Variants in GRAMD1B observed in about 807,000 individuals in gnomAD.
The protein encoded by GRAMD1B is GRAM domain containing 1B.
Under a neutral mutation model 99.7 loss-of-function variants are expected in GRAMD1B, and 37 were observed. The observed-to-expected ratio is 0.37, with a 90% CI of 0.29 to 0.49. The LOEUF is 0.49. Among genes scored for constraint, GRAMD1B ranks in the 20% least tolerant of loss-of-function variants. The pLI is 0.98. For missense variants in GRAMD1B, 888 were observed against 1,009.2 expected (o/e 0.88, Z 1.63); for synonymous variants, 427 against 387.6 (o/e 1.10, Z -1.19).
At position 123,610,198 on chromosome 11, in the gene GRAMD1B, C is replaced by G. The variant is rs1483158324; in HGVS notation, c.1779C>G (p.Thr593=). The G allele has an allele frequency of 3.1e-6, 5 of 1,613,812 alleles. No individual in the cohort carries two copies. The highest frequency in any genetic ancestry group is 1.6e-4 in the Middle Eastern group (1 of 6,062). Reference sequence around the variant, plus strand: ...CAATGGACCTTTCCTGCCCGCAGACCATGTACAAGGCGAGCCAGGAGAGTG... The same window carrying G: ...CAATGGACCTTTCCTGCCCGCAGACGATGTACAAGGCGAGCCAGGAGAGTG... ...PKTATVRETQ[T]MYKASQESEC... Residue 593 remains threonine (T), a splice_region_variant and synonymous_variant, in exon 14 of 20, where the codon ACC becomes ACG. Transcript: ENST00000635736. The surrounding 1 kb of genome is among the most constrained non-coding windows in gnomAD (Gnocchi z 4.1).
At chr11:123,531,647 TG>T (rs1943382009) in intron 2 of GRAMD1B, among the ~76,000 whole-genome samples, 1 of 152,016 alleles carries the variant, frequency 6.6e-6, no homozygotes, top group African/African-American at 2.4e-5. Context: ...CATCTCTTGC[TG>T]AATTCTTCGG....
intron 1 of GRAMD1B, among the ~76,000 whole-genome samples, chr11:123,364,721 T>C (rs1338977813): frequency 1.3e-5 from 2 of 152,106 alleles, no homozygotes; most frequent in African/African-American, 4.8e-5. Context: ...TGCTCCAGAG[T>C]TGAAATGTTT....
intron 2 of GRAMD1B, among the ~76,000 whole-genome samples, chr11:123,521,984 T>A (rs1312816038): frequency 6.6e-6 from 1 of 152,256 alleles, no homozygotes; most frequent in East Asian, 1.9e-4. Flanking sequence ...CTATTTTATC[T>A]GTGTGTATGC....
At chr11:123,483,532 G>A (rs918183798) in intron 2 of GRAMD1B, among the ~76,000 whole-genome samples, 4 of 151,612 alleles carry the variant, frequency 2.6e-5, no homozygotes, top group African/African-American at 7.3e-5. Context: ...GACTATTGGC[G>A]CCTGCCACCA....
At chr11:123,541,538 A>ATTTTTT (rs796079422) in intron 2 of GRAMD1B, among the ~76,000 whole-genome samples, 1 of 143,172 alleles carries the variant, frequency 7.0e-6, no homozygotes, top group African/African-American at 2.7e-5. Flanking sequence ...CTGTGAATTG[A>ATTTTTT]TTTTTTTTTT....
chr11:123,374,348 C>G lies in GRAMD1B; in HGVS notation c.-176+15549C>G, dbSNP rs79345607. On this transcript the variant is annotated intron_variant, in intron 1 of 20. Coordinates refer to the GRAMD1B transcript ENST00000638157. ...GCAAAATAGACATTACTACTTATAG[C>G]CCCCTTCCTCTCTCATAATAAACCC... Among the ~76,000 whole-genome samples the G allele has an allele frequency of 5.3e-3, 810 of 152,264 alleles. 23 individuals carry two copies. The East Asian group carries it at 0.085, about 16-fold the overall frequency.
At chr11:123,481,872 G>A (rs1340636801) in intron 2 of GRAMD1B, among the ~76,000 whole-genome samples, 1 of 152,166 alleles carries the variant, frequency 6.6e-6, no homozygotes, top group Admixed American at 6.5e-5. Context: ...CAGGGGCTCT[G>A]CTTTTGGTCT....
At chr11:123,497,220 G>T (rs1341660377) in intron 2 of GRAMD1B, among the ~76,000 whole-genome samples, 1 of 152,208 alleles carries the variant, frequency 6.6e-6, no homozygotes, top group African/African-American at 2.4e-5. Context: ...GAATTCTCTT[G>T]ATTGCCATGC....
intron 1 of GRAMD1B, among the ~76,000 whole-genome samples, chr11:123,392,185 A>G (rs541232912): frequency 6.6e-6 from 1 of 152,212 alleles, no homozygotes; most frequent in Admixed American, 6.5e-5. Context: ...CTGGGTCAGA[A>G]TGAGTAAGTT....
intron 14 of GRAMD1B, among the ~76,000 whole-genome samples, chr11:123,611,653 A>ATC (rs1256147228): frequency 2.0e-5 from 3 of 151,932 alleles, no homozygotes; most frequent in African/African-American, 2.4e-5. Flanking sequence ...TTTCAATTGC[A>ATC]TCTTTTCTCT....
At chr11:123,620,441 T>A (rs1418990729) in intron 19 of GRAMD1B, among the ~76,000 whole-genome samples, 2 of 42,424 alleles carry the variant, frequency 4.7e-5, no homozygotes, top group African/African-American at 1.2e-4. Context: ...GCCACTGCAC[T>A]CCAGCCTGGC....
At chr11:123,390,091 TA>T (rs58900383) in intron 1 of GRAMD1B, among the ~76,000 whole-genome samples, 6 of 136,254 alleles carry the variant, frequency 4.4e-5, no homozygotes, top group African/African-American at 5.2e-5. Flanking sequence ...TCTTCTAAAA[TA>T]AAAAAAAATT....
At position 123,587,633 on chromosome 11, in the gene GRAMD1B, A is replaced by C. The variant is rs571773233; in HGVS notation, c.684+3301A>C. On this transcript the variant is annotated intron_variant, in intron 4 of 19. Coordinates refer to ENST00000635736, the MANE Select transcript of GRAMD1B (RefSeq NM_001387025.1). The surrounding 1 kb of genome is among the most constrained non-coding windows in gnomAD (Gnocchi z 4.2). Reference sequence around the variant, plus strand: ...GGGCAGTCTTCTCCATGGCAGCCCCAGAAGGAGCATTTCTGAGATCAGAGC... The same window carrying C: ...GGGCAGTCTTCTCCATGGCAGCCCCCGAAGGAGCATTTCTGAGATCAGAGC... Among the ~76,000 whole-genome samples, 37 of 152,286 alleles carry C rather than the reference A, an allele frequency of 2.4e-4. 1 individual carries two copies. Among genetic ancestry groups the C allele is most frequent in the Admixed American group, 2.0e-3 (31 of 15,300 alleles).
intron 18 of GRAMD1B, 143 bp downstream of exon 18, chr11:123,618,943 A>T (rs182306477): frequency 1.4e-6 from 1 of 704,590 alleles, no homozygotes; most frequent in South Asian, 1.7e-5. Context: ...ATCTCTCCCT[A>T]TAGTTTCAGC....
chr11:123,578,368 CCCA>C, intron 3 of GRAMD1B: 4 of 1,481,504 alleles, frequency 2.7e-6, no homozygotes, highest in Non-Finnish European at 3.6e-6. Flanking sequence ...CCTCTTCTTC[CCCA>C]CCATTTCCCA....
At chr11:123,512,773 C>T (rs1591767685) in intron 2 of GRAMD1B, among the ~76,000 whole-genome samples, 1 of 123,500 alleles carries the variant, frequency 8.1e-6, no homozygotes, top group African/African-American at 3.2e-5. Context: ...CAGGTATTTT[C>T]AGTCTGTGCC....
At chr11:123,434,254 A>G (rs1949056514) in intron 1 of GRAMD1B, among the ~76,000 whole-genome samples, 1 of 135,838 alleles carries the variant, frequency 7.4e-6, no homozygotes, top group South Asian at 2.7e-4. Flanking sequence ...AAAAAAAAAA[A>G]CCACCACCAA....
intron 1 of GRAMD1B, among the ~76,000 whole-genome samples, chr11:123,473,464 G>C (rs1951112837): frequency 1.3e-5 from 2 of 152,120 alleles, no homozygotes; most frequent in Non-Finnish European, 2.9e-5. Flanking sequence ...TAGAGATGAA[G>C]TCTCACTGTA....
intron 1 of GRAMD1B, among the ~76,000 whole-genome samples, chr11:123,456,983 A>G (rs1215331819): frequency 1.3e-5 from 2 of 150,888 alleles, no homozygotes; most frequent in African/African-American, 2.4e-5. Context: ...CACATGCCTC[A>G]TGCCTGTGGT....
Sources: allele counts gnomAD v4.1 joint callset (sites outside exome capture counted in the v4.1 genomes callset), GRCh38; gene constraint gnomAD v4.1.1; non-coding constraint Gnocchi (gnomAD v3.1); transcripts MANE v1.5; gene names NCBI Gene and HGNC (gene_info 2026-07-23, HGNC 2026-07-21).